SMARCA1: variants seen among roughly 807,000 people sequenced by gnomAD.
The protein encoded by SMARCA1 is SNF2 related chromatin remodeling ATPase 1, also known as SWI/SNF-related matrix-associated actin-dependent regulator of chromatin subfamily A member 1.
Under a neutral mutation model 93.6 loss-of-function variants are expected in SMARCA1, and 17 were observed. That is an observed-to-expected ratio of 0.18 (90% CI 0.12 to 0.27). The LOEUF is 0.27. Among genes scored for constraint, SMARCA1 ranks in the 10% least tolerant of loss-of-function variants. The pLI, the probability that SMARCA1 is intolerant of heterozygous loss-of-function variation, is 1.00. For synonymous variants in SMARCA1, 271 were observed against 271.4 expected (o/e 1.00, Z 0.01); for missense variants, 630 against 819.0 (o/e 0.77, Z 2.82).
chrX:129,508,054 C>T lies in SMARCA1; in HGVS notation c.853G>A (p.Val285Ile). 8.4e-7 allele frequency: 1 copy of T among 1,188,646 alleles called. No individual in the cohort carries two copies. The highest frequency in any genetic ancestry group is 3.0e-5 in the East Asian group (1 of 33,148). Residue 285 changes from valine (V) to isoleucine (I), a missense_variant, in exon 7 of 25, where the codon GTT (valine) becomes ATT (isoleucine). Around this residue, in one of 4 missense-constraint regions of SMARCA1, gnomAD observed 382 missense variants for 537.9 expected, o/e 0.71. Coordinates refer to ENST00000371121, the MANE Select transcript of SMARCA1 (RefSeq NM_001282874.2). ...ACCATCTCATAAGAAGTAACGCAAA[C>T]ATCCCACTCTCCTGGCATCATTTCA... ...RDEMMPGEWD[V>I]CVTSYEMVIK...
intron 17 of SMARCA1, among the ~76,000 whole-genome samples, chrX:129,484,459 T>C (rs181465080): frequency 9.9e-5 from 11 of 111,243 alleles, no homozygotes; most frequent in Admixed American, 6.7e-4. Flanking sequence ...TCAGAAGCAG[T>C]AACAGAAACA....
At position 129,515,764 on chromosome X, in the gene SMARCA1, C is replaced by T; in HGVS notation, c.553G>A (p.Asp185Asn). Residue 185 changes from aspartate to asparagine, a missense_variant, in exon 5 of 25, where the codon GAT becomes AAT. This residue lies in a region of SMARCA1 where 382 missense variants were observed against 537.9 expected (regional missense o/e 0.71). Transcript: ENST00000371121. ...PSYVKGGPLR[D>N]YQIRGLNWLI... The stretch of plus-strand genomic sequence containing the variant: ...CAATTCAGTCCTCGAATCTGATAAT[C>T]TCTCAGTGGCCCCCCTTTCACATCT... 1 of 1,199,741 alleles carries T rather than the reference C, an allele frequency of 8.3e-7. No individual in the cohort carries two copies. The highest frequency in any genetic ancestry group is 1.1e-6 in the Non-Finnish European group (1 of 884,526).
At chrX:129,505,380 C>CTACTG (rs1385270021) in intron 8 of SMARCA1, among the ~76,000 whole-genome samples, 1 of 110,298 alleles carries the variant, frequency 9.1e-6, no homozygotes, top group Non-Finnish European at 1.9e-5. Flanking sequence ...GGTGTGGTGA[C>CTACTG]GGGCACCTGT....
intron 15 of SMARCA1, among the ~76,000 whole-genome samples, 174 bp from the exon 16 acceptor site, chrX:129,489,259 A>G (rs887841780): frequency 8.0e-5 from 9 of 112,598 alleles, no homozygotes; most frequent in African/African-American, 2.9e-4. Flanking sequence ...CTTCTAGCAT[A>G]CTTTCTATTT....
intron 11 of SMARCA1, 114 bp from the exon 12 acceptor site, chrX:129,496,985 GCA>G (rs1934353089): frequency 1.1e-5 from 6 of 531,664 alleles, no homozygotes; most frequent in South Asian, 3.1e-5. Flanking sequence ...CTCCACTAAC[GCA>G]CACACACACG....
At position 129,523,307 on chromosome X, in the gene SMARCA1, C is replaced by G. The variant is rs750745017; in HGVS notation, c.64G>C (p.Val22Leu). The change falls in exon 1 of 25, where the codon GTG becomes CTG. Residue 22 changes from valine (V) to leucine (L), a missense_variant. Transcript: ENST00000371121. ...VAAADATATI[V>L]VIEDEQPGPS... ...CCGGGCTGCTCGTCCTCTATGACCA[C>G]GATAGTGGCGGTCGCATCCGCGGCT... 1.0e-5 allele frequency: 12 copies of G among 1,204,167 alleles called. No homozygotes were observed. In the South Asian group the frequency reaches 1.9e-4, roughly 20 times the overall value.
chrX:129,485,630 C>G (rs140830284), intron 17 of SMARCA1, among the ~76,000 whole-genome samples: 2,470 of 111,516 alleles, frequency 0.022, 71 homozygotes, highest in African/African-American at 0.075. Flanking sequence ...CCAAATCTCA[C>G]ATGGAAATTT....
intron 12 of SMARCA1, among the ~76,000 whole-genome samples, chrX:129,494,455 G>A (rs998254782): frequency 1.8e-5 from 2 of 111,765 alleles, no homozygotes; most frequent in African/African-American, 6.5e-5. Context: ...TCCCCATAGA[G>A]GTAGCAGTAA....
intron 7 of SMARCA1, among the ~76,000 whole-genome samples, chrX:129,507,715 T>C (rs906962217): frequency 4.5e-5 from 5 of 111,586 alleles, no homozygotes; most frequent in Non-Finnish European, 9.4e-5. Flanking sequence ...CACCACACCC[T>C]GATAATTTTT....
intron 23 of SMARCA1, among the ~76,000 whole-genome samples, chrX:129,454,664 T>C (rs895410455): frequency 8.9e-6 from 1 of 111,808 alleles, no homozygotes; most frequent in Non-Finnish European, 1.9e-5. Flanking sequence ...ATTATTATTA[T>C]ACTTTAAGTT....
At chrX:129,450,918 C>T (rs1465074038) in intron 23 of SMARCA1, among the ~76,000 whole-genome samples, 1 of 110,912 alleles carries the variant, frequency 9.0e-6, no homozygotes, top group Non-Finnish European at 1.9e-5. Context: ...AAATGGCATA[C>T]AACATAGGAA....
chrX:129,454,320 A>G (rs1602642871), intron 23 of SMARCA1, among the ~76,000 whole-genome samples: 1 of 112,579 alleles, frequency 8.9e-6, no homozygotes, highest in East Asian at 2.8e-4. Context: ...TACACGTAAG[A>G]CCTAAAACCA....
At chrX:129,504,595 A>C in intron 9 of SMARCA1, 139 bp downstream of exon 9, 2 of 241,480 alleles carry the variant, frequency 8.3e-6, no homozygotes, top group Non-Finnish European at 7.8e-6. Flanking sequence ...AGAGGCTGTC[A>C]GAAAGGTTAG....
At chrX:129,458,735 G>A (rs1437874869) in intron 23 of SMARCA1, among the ~76,000 whole-genome samples, 1 of 112,017 alleles carries the variant, frequency 8.9e-6, no homozygotes, top group Admixed American at 9.5e-5. Context: ...ACAGGTCTGC[G>A]CCTGTTATGG....
intron 24 of SMARCA1, among the ~76,000 whole-genome samples, chrX:129,448,109 A>G (rs1932093125): frequency 9.3e-6 from 1 of 106,977 alleles, no homozygotes; most frequent in Non-Finnish European, 1.9e-5. Flanking sequence ...GGAATTTTTT[A>G]AAATACTGAG....
At chrX:129,488,064 G>A (rs1393524072) in intron 16 of SMARCA1, among the ~76,000 whole-genome samples, 1 of 110,727 alleles carries the variant, frequency 9.0e-6, no homozygotes, top group Non-Finnish European at 1.9e-5. Flanking sequence ...GTTAGAAACA[G>A]GTGATAAGTA....
At chrX:129,447,661 G>A (rs1932073728) in intron 24 of SMARCA1, among the ~76,000 whole-genome samples, 1 of 111,493 alleles carries the variant, frequency 9.0e-6, no homozygotes, top group Admixed American at 9.5e-5. Flanking sequence ...AAATCAGGAT[G>A]CAACTTACAA....
chrX:129,499,423 A>G (rs1483999598), intron 10 of SMARCA1, among the ~76,000 whole-genome samples: 3 of 111,442 alleles, frequency 2.7e-5, no homozygotes, highest in Middle Eastern at 4.6e-3. Flanking sequence ...CCATCCTCAT[A>G]AATTAAATAT....
At position 129,465,864 on chromosome X, in the gene SMARCA1, T is replaced by C; in HGVS notation, c.2797A>G (p.Lys933Glu). 8.6e-7 allele frequency: 1 copy of C among 1,169,118 alleles called. No homozygotes were observed. The highest frequency in any genetic ancestry group is 2.4e-5 in the Admixed American group (1 of 41,262). The change falls in exon 22 of 25, where the codon AAG becomes GAG. Residue 933 changes from lysine (K) to glutamate (E), a missense_variant. By Grantham distance (56) the Lys-to-Glu change is moderately conservative. Around this residue, in one of 4 missense-constraint regions of SMARCA1, gnomAD observed 93 missense variants for 160.8 expected, o/e 0.58. Transcript: ENST00000371121. Reference protein sequence around the residue: ...EARIQRRISIKKALDAKIARY... With the variant: ...EARIQRRISIEKALDAKIARY... ...AGTACTTTGGCATCCAGGGCTTTCT[T>C]GATACTGATCCTTCGTTGAATTCTT... is the stretch of plus-strand genomic sequence containing the variant.
Sources: allele counts gnomAD v4.1 joint callset (sites outside exome capture counted in the v4.1 genomes callset), GRCh38; gene constraint gnomAD v4.1.1; regional missense constraint gnomAD v4.1.1; transcripts MANE v1.5; gene names NCBI Gene and HGNC (gene_info 2026-07-23, HGNC 2026-07-21).